LINGO2: variants seen among roughly 807,000 people sequenced by gnomAD.
The protein encoded by LINGO2 is leucine rich repeat and Ig domain containing 2.
Under a neutral mutation model 30.6 loss-of-function variants are expected in LINGO2, and 14 were observed. The observed-to-expected ratio is 0.46, with a 90% confidence interval of 0.30 to 0.72. The LOEUF (loss-of-function observed/expected upper bound fraction) is 0.72. Ranked by LOEUF, LINGO2 falls within the 30% of genes least tolerant of loss-of-function variation. The pLI, the probability that LINGO2 is intolerant of heterozygous loss-of-function variation, is 0.07. For missense variants in LINGO2, 729 were observed against 751.7 expected (o/e 0.97, Z 0.35); for synonymous variants, 317 against 288.5 (o/e 1.10, Z -1.00).
At chr9:28,535,876 T>A (rs1276314770) in intron 1 of LINGO2, among the ~76,000 whole-genome samples, 1 of 152,158 alleles carries the variant, frequency 6.6e-6, no homozygotes, top group East Asian at 1.9e-4. Flanking sequence ...CAGAGGAGGA[T>A]TTAAACTTTT....
the LINGO2 span, among the ~76,000 whole-genome samples, chr9:29,068,061 G>A: frequency 3.3e-4 from 50 of 151,976 alleles, no homozygotes; most frequent in East Asian, 4.8e-3. Flanking sequence ...GCATGAGACA[G>A]CAAATGACTG....
At chr9:29,130,857 T>C in the LINGO2 span, among the ~76,000 whole-genome samples, 1 of 151,962 alleles carries the variant, frequency 6.6e-6, no homozygotes, top group South Asian at 2.1e-4. Flanking sequence ...AAAGTCAAAA[T>C]ACTAAGGTTA....
the LINGO2 span, among the ~76,000 whole-genome samples, chr9:29,122,080 A>T: frequency 4.0e-4 from 61 of 151,980 alleles, no homozygotes; most frequent in East Asian, 0.012. Context: ...AAAAAATAAA[A>T]ATACTTTTCT....
chr9:28,743,787 C>T, the LINGO2 span, among the ~76,000 whole-genome samples: 2 of 151,512 alleles, frequency 1.3e-5, no homozygotes, highest in Non-Finnish European at 2.9e-5. Context: ...AATGTATCTG[C>T]CTATGGATCT....
chr9:27,950,916 G>A (rs1420456655), intron 5 of LINGO2, among the ~76,000 whole-genome samples: 1 of 152,156 alleles, frequency 6.6e-6, no homozygotes, highest in Non-Finnish European at 1.5e-5. Context: ...TCCTGGCTGT[G>A]AAATGGGGAT....
chr9:29,063,250 A>C, the LINGO2 span, among the ~76,000 whole-genome samples: 1 of 152,160 alleles, frequency 6.6e-6, no homozygotes, highest in Non-Finnish European at 1.5e-5. Context: ...AAAACAAAAG[A>C]GGGCAACAGC....
chr9:29,104,188 T>A, the LINGO2 span, among the ~76,000 whole-genome samples: 1 of 152,114 alleles, frequency 6.6e-6, no homozygotes, highest in Non-Finnish European at 1.5e-5. Context: ...TCTGATATGG[T>A]TTGGCTCTGC....
At chr9:29,139,223 T>C in the LINGO2 span, among the ~76,000 whole-genome samples, 4 of 152,128 alleles carry the variant, frequency 2.6e-5, no homozygotes, top group Non-Finnish European at 5.9e-5. Context: ...GATCATTCCC[T>C]AGACAAGCCT....
the LINGO2 span, among the ~76,000 whole-genome samples, chr9:28,804,240 T>A: frequency 1.6e-4 from 25 of 152,116 alleles, no homozygotes; most frequent in Non-Finnish European, 3.2e-4. Flanking sequence ...GACCTTTATA[T>A]ACAGTTACAT....
chr9:28,798,955 T>C, the LINGO2 span, among the ~76,000 whole-genome samples: 9 of 152,142 alleles, frequency 5.9e-5, no homozygotes, highest in Admixed American at 2.6e-4. Flanking sequence ...TTAAGTTTGG[T>C]GGAAAGACAG....
At chr9:28,559,113 C>A (rs1425742404) in intron 1 of LINGO2, among the ~76,000 whole-genome samples, 3 of 152,096 alleles carry the variant, frequency 2.0e-5, no homozygotes, top group Non-Finnish European at 2.9e-5. Context: ...AATTTGCAAT[C>A]AAATAAATTC....
chr9:29,076,595 A>G, the LINGO2 span, among the ~76,000 whole-genome samples: 5 of 146,720 alleles, frequency 3.4e-5, no homozygotes, highest in African/African-American at 1.2e-4. Flanking sequence ...TATATATATT[A>G]TATATAATTG....
intron 2 of LINGO2, among the ~76,000 whole-genome samples, chr9:28,471,433 C>T (rs1426963341): frequency 6.6e-6 from 1 of 152,122 alleles, no homozygotes; most frequent in East Asian, 1.9e-4. Context: ...CAAGAGTTAA[C>T]AGGATCAAAC....
the LINGO2 span, among the ~76,000 whole-genome samples, chr9:29,099,593 CG>C: frequency 6.6e-6 from 1 of 151,980 alleles, no homozygotes; most frequent in African/African-American, 2.4e-5. Context: ...AGATGTATCT[CG>C]AAAGAAGACA....
intron 1 of LINGO2, among the ~76,000 whole-genome samples, chr9:28,566,749 C>A (rs1823403979): frequency 6.6e-6 from 1 of 152,132 alleles, no homozygotes; most frequent in Admixed American, 6.5e-5. Context: ...CTTTGCACTG[C>A]TTTTAACATA....
chr9:28,134,575 GATTCCGGAGAGCACAAC>G (rs377292096), intron 4 of LINGO2, among the ~76,000 whole-genome samples: 2,539 of 152,282 alleles, frequency 0.017, 25 homozygotes, highest in South Asian at 0.035. Context: ...AGAGGTAGCC[GATTCCGGAGAGCACAAC>G]ACAGATACAC....
At chr9:28,971,264 A>T in the LINGO2 span, among the ~76,000 whole-genome samples, 85 of 152,300 alleles carry the variant, frequency 5.6e-4, 1 homozygote, top group African/African-American at 2.0e-3. Context: ...GCCTTAGGTG[A>T]GCCTCTGAGA....
the LINGO2 span, among the ~76,000 whole-genome samples, chr9:29,070,227 T>C: frequency 1.2e-4 from 19 of 152,036 alleles, no homozygotes; most frequent in Admixed American, 5.9e-4. Context: ...AGCTAACAAA[T>C]TGTGGCAAGA....
intron 4 of LINGO2, among the ~76,000 whole-genome samples, chr9:28,083,909 T>A (rs2133230357): frequency 6.6e-6 from 1 of 152,258 alleles, no homozygotes; most frequent in African/African-American, 2.4e-5. Context: ...GTTGAGAAAT[T>A]CAAATAATAA....
Sources: gnomAD v4.1 joint callset for allele counts (sites outside exome capture counted in the v4.1 genomes callset) on GRCh38, gnomAD v4.1.1 for gene constraint, MANE v1.5 for transcripts, NCBI Gene and HGNC (gene_info 2026-07-23, HGNC 2026-07-21) for gene names.